MALRD1: variants seen among roughly 807,000 people sequenced by gnomAD.
MALRD1 encodes MAM and LDL-receptor class A domain-containing protein 1.
Under a neutral mutation model 242.1 loss-of-function variants are expected in MALRD1, and 247 were observed. The ratio of observed to expected loss-of-function variants is 1.02; its 90% CI spans 0.92 to 1.13. The LOEUF (loss-of-function observed/expected upper bound fraction) is 1.13, where lower values mean the gene tolerates loss of function less well. MALRD1 is among the 50% of genes most tolerant of loss of function. The pLI, the probability that MALRD1 is intolerant of heterozygous loss-of-function variation, is 0.00. For missense variants in MALRD1, 2,989 were observed against 2,533.1 expected, an observed-to-expected ratio of 1.18 and a Z score of -3.86; for synonymous variants, 995 against 866.6, an observed-to-expected ratio of 1.15 and a Z score of -2.60.
chr10:19,381,836 C>G (rs1588994435), intron 26 of MALRD1, among the ~76,000 whole-genome samples: 1 of 151,718 alleles, frequency 6.6e-6, no homozygotes, highest in South Asian at 2.1e-4. Context: ...AAGACTCTGT[C>G]TCAAAAATAA....
chr10:19,473,732 C>T (rs1258155623), intron 29 of MALRD1, among the ~76,000 whole-genome samples: 1 of 151,980 alleles, frequency 6.6e-6, no homozygotes, highest in Non-Finnish European at 1.5e-5. Flanking sequence ...TGTTAATGGA[C>T]ACTTGGATTA....
At chr10:19,341,438 GTATATA>G (rs34129852) in intron 24 of MALRD1, among the ~76,000 whole-genome samples, 1 of 144,620 alleles carries the variant, frequency 6.9e-6, no homozygotes, top group Non-Finnish European at 1.5e-5. Flanking sequence ...AACACTATAT[GTATATA>G]TATATATGTG....
chr10:19,499,445 G>GA (rs869219398), intron 31 of MALRD1, among the ~76,000 whole-genome samples: 1,832 of 116,612 alleles, frequency 0.016, 19 homozygotes, highest in Middle Eastern at 0.033. Context: ...GGCCTGAATA[G>GA]AAAAAAAAAA....
rs2131573212 is a variant in MALRD1, at chr10:19,185,998, T to G, written c.1951+10670T>G. ...CTGTATAATTACAAATTACTTTTAA[T>G]TTTGTAAGGTCTGGAAAAATGAGCT... On this transcript the variant is annotated intron_variant, in intron 14 of 39. Coordinates refer to ENST00000454679, the MANE Select transcript of MALRD1 (RefSeq NM_001142308.3). Among the ~76,000 whole-genome samples, 3 of 152,274 alleles carry G rather than the reference T, an allele frequency of 2.0e-5. No homozygotes were observed. In the South Asian group the frequency reaches 6.2e-4, roughly 32 times the overall value.
At chr10:19,367,847 C>G (rs1845173732) in intron 26 of MALRD1, among the ~76,000 whole-genome samples, 1 of 152,028 alleles carries the variant, frequency 6.6e-6, no homozygotes. Context: ...TTGCATTTCC[C>G]TGGTGATTAG....
At chr10:19,498,391 A>T (rs1837818105) in intron 30 of MALRD1, 94 bp from the exon 31 acceptor site, 14 of 1,048,202 alleles carry the variant, frequency 1.3e-5, no homozygotes, top group East Asian at 1.0e-4. Context: ...GAATTAGAAT[A>T]TGCAGATACT....
At chr10:19,619,652 T>C (rs1434750905) in intron 36 of MALRD1, among the ~76,000 whole-genome samples, 1 of 152,094 alleles carries the variant, frequency 6.6e-6, no homozygotes, top group Admixed American at 6.6e-5. Flanking sequence ...TCAGTTGCTT[T>C]TCTGAAAGAA....
chr10:19,181,065 C>G (rs1835481992), intron 14 of MALRD1, among the ~76,000 whole-genome samples: 1 of 151,956 alleles, frequency 6.6e-6, no homozygotes. Context: ...AAAAGCGTAA[C>G]ACATTTTAGT....
At chr10:19,151,849 C>G (rs1374737628) in intron 11 of MALRD1, among the ~76,000 whole-genome samples, 2 of 152,098 alleles carry the variant, frequency 1.3e-5, no homozygotes, top group Admixed American at 6.6e-5. Context: ...TCTTGCACTC[C>G]TGAACCAAAC....
At position 19,165,788 on chromosome 10, in the gene MALRD1, GAGA is replaced by G; in HGVS notation, c.1810_1812del (p.Glu604del). The G allele has an allele frequency of 1.1e-5, 14 of 1,231,644 alleles. No individual in the cohort carries two copies. The highest frequency in any genetic ancestry group is 1.4e-5 in the Non-Finnish European group (14 of 987,944). 76.3% of individuals were successfully genotyped at this position (1,231,644 alleles called of 1,614,324 possible). A position where few individuals can be genotyped will look rare whatever the true frequency, so the allele number is the denominator to read the frequency against. On this transcript the variant is annotated inframe_deletion, in exon 13 of 40. Transcript: ENST00000454679. ...AAAATTGATCTCATTGCAGAAGCGG[GAGA>G]ATCTACTCTACCTTTTCAGGTAAGC...
At position 19,128,295 on chromosome 10, in the gene MALRD1, T is replaced by A. The variant is rs1455013916; in HGVS notation, c.1018T>A (p.Ser340Thr). 1.6e-6 allele frequency: 2 copies of A among 1,233,454 alleles called. No individual in the cohort carries two copies. The highest frequency in any genetic ancestry group is 3.1e-5 in the African/African-American group (2 of 64,494). 76.4% of individuals were successfully genotyped at this position (1,233,454 alleles called of 1,614,324 possible). Reference protein sequence around the residue: ...HLDSRAYLNSSVCHCLGKSCH... With the variant: ...HLDSRAYLNSTVCHCLGKSCH... ...AGACAGCAGGGCTTACCTAAATAGCTCTGTGTGTCATTGCCTGGGCAAGAG... is the reference window on the plus strand; with the variant it reads ...AGACAGCAGGGCTTACCTAAATAGCACTGTGTGTCATTGCCTGGGCAAGAG... The change falls in exon 8 of 40, where the codon TCT becomes ACT. Residue 340 changes from serine to threonine, a missense_variant. Coordinates refer to ENST00000454679, the MANE Select transcript of MALRD1 (RefSeq NM_001142308.3).
intron 19 of MALRD1, among the ~76,000 whole-genome samples, chr10:19,259,495 G>GAGTGTGT (rs1222976158): frequency 1.3e-5 from 2 of 152,188 alleles, no homozygotes; most frequent in Non-Finnish European, 2.9e-5. Context: ...TAGGCAAAGA[G>GAGTGTGT]AGTGTGTACA....
intron 34 of MALRD1, among the ~76,000 whole-genome samples, chr10:19,600,186 G>A (rs1271306965): frequency 1.3e-5 from 2 of 151,994 alleles, no homozygotes; most frequent in African/African-American, 4.8e-5. Flanking sequence ...TTTTACTATT[G>A]GCCTTTAAAT....
At chr10:19,490,324 C>G (rs1036273587) in intron 29 of MALRD1, among the ~76,000 whole-genome samples, 1 of 151,742 alleles carries the variant, frequency 6.6e-6, no homozygotes, top group Non-Finnish European at 1.5e-5. Context: ...ATGTCTGTTA[C>G]AATAAAATAC....
intron 18 of MALRD1, among the ~76,000 whole-genome samples, chr10:19,242,675 A>G (rs1006896662): frequency 5.9e-5 from 9 of 152,114 alleles, no homozygotes; most frequent in African/African-American, 1.9e-4. Flanking sequence ...TTTTGTCATT[A>G]TACAGTGACA....
chr10:19,379,779 A>G (rs562205904), intron 26 of MALRD1, among the ~76,000 whole-genome samples: 2 of 152,208 alleles, frequency 1.3e-5, no homozygotes, highest in South Asian at 4.2e-4. Flanking sequence ...TGTTATGTAA[A>G]TGTTAACTAG....
intron 28 of MALRD1, among the ~76,000 whole-genome samples, chr10:19,437,545 TTCTC>T (rs946648455): frequency 5.3e-5 from 8 of 152,076 alleles, no homozygotes; most frequent in Non-Finnish European, 2.9e-5. Flanking sequence ...CTCAATCTGT[TTCTC>T]TCTGGAACTC....
chr10:19,438,507 A>G (rs2095126), intron 28 of MALRD1, among the ~76,000 whole-genome samples: 108,850 of 152,080 alleles, frequency 0.72, 39,088 homozygotes, highest in Non-Finnish European at 0.75. Flanking sequence ...TCTGCCTTCA[A>G]TTACTTACCC....
chr10:19,352,043 G>A lies in MALRD1; in HGVS notation c.4187G>A (p.Gly1396Glu), dbSNP rs758693366. ...FHYHMYGNGIGALTLMQVSVT... is the reference protein window; with the variant it reads ...FHYHMYGNGIEALTLMQVSVT... ...TATCACATGTATGGAAATGGCATTG[G>A]GGCACTCACCTTAATGCAGGTGTCA... Residue 1396 changes from glycine to glutamate, a missense_variant, in exon 26 of 40, where the codon GGG becomes GAG. By Grantham distance (98) the Gly-to-Glu change is moderately conservative. Transcript: ENST00000454679. 3.0e-5 allele frequency: 46 copies of A among 1,549,910 alleles called. No individual in the cohort carries two copies. The highest frequency in any genetic ancestry group is 3.8e-5 in the Non-Finnish European group (43 of 1,146,652).
Sources: gnomAD v4.1 joint callset for allele counts (sites outside exome capture counted in the v4.1 genomes callset) on GRCh38, gnomAD v4.1.1 for gene constraint, MANE v1.5 for transcripts, NCBI Gene and HGNC (gene_info 2026-07-23, HGNC 2026-07-21) for gene names.